Variants in ARIH2 observed in about 807,000 individuals in gnomAD.
ARIH2 encodes the protein E3 ubiquitin-protein ligase ARIH2.
ARIH2 carries 12 observed loss-of-function variants against 79.8 expected under a neutral mutation model. The observed-to-expected ratio is 0.15, with a 90% CI of 0.10 to 0.24. The LOEUF (loss-of-function observed/expected upper bound fraction) is 0.24, where lower values mean the gene tolerates loss of function less well. Ranked by LOEUF, ARIH2 falls within the 10% of genes least tolerant of loss-of-function variation. ARIH2 has a pLI of 1.00. For missense variants in ARIH2, 301 were observed against 618.3 expected, an observed-to-expected ratio of 0.49 and a Z score of 5.44; for synonymous variants, 224 against 213.9, an observed-to-expected ratio of 1.05 and a Z score of -0.41.
chr3:48,957,296 G>C (rs2090704686), intron 3 of ARIH2, among the ~76,000 whole-genome samples: 1 of 152,194 alleles, frequency 6.6e-6, no homozygotes, highest in Non-Finnish European at 1.5e-5. Context: ...TTGAAATCAA[G>C]AGATCAGTGT....
chr3:48,924,495 G>T (rs1390450556), intron 2 of ARIH2, among the ~76,000 whole-genome samples: 1 of 151,562 alleles, frequency 6.6e-6, no homozygotes. Flanking sequence ...ACGCATGACC[G>T]CTATGCCTGT....
At chr3:48,919,143 C>T (rs771103420) in intron 1 of ARIH2, 145 bp downstream of exon 1, 299 of 1,303,326 alleles carry the variant, frequency 2.3e-4, no homozygotes, top group Non-Finnish European at 2.8e-4. Context: ...GCACGTTGTC[C>T]GAGCATTACC....
chr3:48,926,594 A>C (rs1160170550), intron 2 of ARIH2: 1 of 151,982 alleles, frequency 6.6e-6, no homozygotes, highest in Admixed American at 6.6e-5. Flanking sequence ...CTTGTCATCC[A>C]GGCTAGAGTG....
At chr3:48,974,587 CT>C (rs2092409404) in intron 9 of ARIH2, 1 of 586,886 alleles carries the variant, frequency 1.7e-6, no homozygotes, top group Non-Finnish European at 3.1e-6. Flanking sequence ...TGGTGGAAGA[CT>C]TAGTGGGGTT....
chr3:48,953,888 G>A (rs1045253499), intron 3 of ARIH2, among the ~76,000 whole-genome samples: 2 of 150,992 alleles, frequency 1.3e-5, no homozygotes, highest in African/African-American at 4.8e-5. Flanking sequence ...TTTTGGCTGG[G>A]CGTGGTGGCT....
intron 5 of ARIH2, among the ~76,000 whole-genome samples, chr3:48,965,246 G>A (rs1172227391): frequency 6.6e-6 from 1 of 151,856 alleles, no homozygotes; most frequent in Non-Finnish European, 1.5e-5. Context: ...TGTAGTCCCA[G>A]CTACTCGGGA....
At chr3:48,970,908 AAGTGACAC>A (rs1230623030) in intron 8 of ARIH2, 3 of 475,900 alleles carry the variant, frequency 6.3e-6, no homozygotes, top group African/African-American at 5.9e-5. Context: ...GGAGGCAAGG[AAGTGACAC>A]AGGTTCTTGG....
intron 8 of ARIH2, 50 bp from the exon 9 acceptor site, chr3:48,973,649 G>A: frequency 7.2e-7 from 1 of 1,396,930 alleles, no homozygotes; most frequent in Non-Finnish European, 1.0e-6. Flanking sequence ...TTTTGAACAT[G>A]GGACCCTGAC....
At chr3:48,965,773 C>A (rs1002356691) in intron 5 of ARIH2, among the ~76,000 whole-genome samples, 1 of 152,110 alleles carries the variant, frequency 6.6e-6, no homozygotes, top group African/African-American at 2.4e-5. Context: ...CCAGCCTGGC[C>A]AACATGGTGA....
intron 11 of ARIH2, among the ~76,000 whole-genome samples, chr3:48,978,476 TA>T (rs2092629719): frequency 2.0e-4 from 14 of 70,076 alleles, no homozygotes; most frequent in East Asian, 3.8e-3. Flanking sequence ...TATATATATA[TA>T]TATATATTTT....
In ARIH2 at chr3:48,984,081, G is replaced by A. The variant is rs2092839474; in HGVS notation, c.*811G>A. 6.6e-6 allele frequency: 1 copy of A among 152,392 alleles called. No individual in the cohort carries two copies. 9.4% of individuals were successfully genotyped at this position (152,392 alleles called of 1,614,324 possible). A position where few individuals can be genotyped will look rare whatever the true frequency, so the allele number is the denominator to read the frequency against. ...GTGGCCCCCCAAACTAGGGGGTGTGGGTTCATCACAGTGTTGCCTTTTGTC... is the reference window on the plus strand; with the variant it reads ...GTGGCCCCCCAAACTAGGGGGTGTGAGTTCATCACAGTGTTGCCTTTTGTC... On this transcript the variant is annotated 3_prime_UTR_variant, in exon 16 of 16. Coordinates refer to ENST00000356401, the MANE Select transcript of ARIH2 (RefSeq NM_006321.4).
intron 3 of ARIH2, among the ~76,000 whole-genome samples, chr3:48,939,964 C>T (rs933938361): frequency 6.6e-6 from 1 of 152,100 alleles, no homozygotes; most frequent in Non-Finnish European, 1.5e-5. Flanking sequence ...TGGCTCATGC[C>T]TGTAATCCCA....
At chr3:48,972,997 G>C (rs1009826178) in intron 8 of ARIH2, among the ~76,000 whole-genome samples, 8 of 152,326 alleles carry the variant, frequency 5.3e-5, no homozygotes, top group Admixed American at 3.3e-4. Flanking sequence ...TTACAAGCAT[G>C]AATCACTGCA....
intron 3 of ARIH2, among the ~76,000 whole-genome samples, chr3:48,957,498 A>G (rs1433704331): frequency 1.3e-5 from 2 of 152,170 alleles, no homozygotes; most frequent in Non-Finnish European, 2.9e-5. Flanking sequence ...GTGAAAAAAG[A>G]CGGCAGCTGT....
chr3:48,972,982 T>C (rs1189566733), intron 8 of ARIH2, among the ~76,000 whole-genome samples: 1 of 152,228 alleles, frequency 6.6e-6, no homozygotes, highest in Non-Finnish European at 1.5e-5. Flanking sequence ...TCCATAGTGC[T>C]AGGATTACAA....
intron 1 of ARIH2, among the ~76,000 whole-genome samples, chr3:48,919,555 C>CT (rs1375114059): frequency 6.6e-6 from 1 of 152,230 alleles, no homozygotes; most frequent in Non-Finnish European, 1.5e-5. Context: ...TCCCATAGAA[C>CT]TTTCTGTCAT....
At chr3:48,955,907 A>G (rs1160813946) in intron 3 of ARIH2, among the ~76,000 whole-genome samples, 1 of 152,102 alleles carries the variant, frequency 6.6e-6, no homozygotes, top group Non-Finnish European at 1.5e-5. Flanking sequence ...ATTCTAGAGT[A>G]TCATTTTCTC....
intron 4 of ARIH2, 55 bp from the exon 5 acceptor site, chr3:48,964,864 G>T: frequency 7.4e-7 from 1 of 1,356,200 alleles, no homozygotes; most frequent in Non-Finnish European, 1.1e-6. Context: ...TATTGTTCAG[G>T]GGTAAAAATG....
intron 3 of ARIH2, among the ~76,000 whole-genome samples, chr3:48,948,517 A>G (rs1271174692): frequency 1.4e-5 from 2 of 146,378 alleles, no homozygotes; most frequent in African/African-American, 5.1e-5. Flanking sequence ...GGAACTCCCA[A>G]CCTCAGGTGA....
Sources: allele counts gnomAD v4.1 joint callset (sites outside exome capture counted in the v4.1 genomes callset), GRCh38; gene constraint gnomAD v4.1.1; transcripts MANE v1.5; gene names NCBI Gene and HGNC (gene_info 2026-07-23, HGNC 2026-07-21).